The following KIAA0586 variants were observed in gnomAD, a reference collection of about 807,000 sequenced individuals.
KIAA0586 encodes protein TALPID3.
Under a neutral mutation model 169.8 loss-of-function variants are expected in KIAA0586, and 144 were observed. That is an observed-to-expected ratio of 0.85 (90% CI 0.74 to 0.97). The LOEUF (loss-of-function observed/expected upper bound fraction) is 0.97. KIAA0586 is among the 50% of genes least tolerant of loss of function. KIAA0586 has a pLI of 0.00. For synonymous variants in KIAA0586, 625 were observed against 612.4 expected, an observed-to-expected ratio of 1.02 and a Z score of -0.30; for missense variants, 1,854 against 1,823.0, an observed-to-expected ratio of 1.02 and a Z score of -0.31.
chr14:58,453,497 A>C, intron 9 of KIAA0586, 24 bp downstream of exon 9: 1 of 1,457,230 alleles, frequency 6.9e-7, no homozygotes, highest in Admixed American at 3.1e-5. Flanking sequence ...ATTGGAATGA[A>C]AACTAGATTG....
rs2039981586 is a variant in KIAA0586, at chr14:58,457,658, A to G, written c.1363-101A>G. The stretch of plus-strand genomic sequence containing the variant: ...GTTTGACAAATTGAGTCCTTAGAAT[A>G]TATTGGTATAATGTATGGCCTCAAC... On this transcript the variant is annotated intron_variant, in intron 10 of 30. Coordinates refer to ENST00000652326, the MANE Select transcript of KIAA0586 (RefSeq NM_001329943.3). The G allele has an allele frequency of 1.6e-5, 11 of 691,566 alleles. No homozygotes were observed. The South Asian group carries it at 2.1e-4, about 13-fold the overall frequency. The allele number at this position is 691,566 out of a possible 1,614,324, so 42.8% of individuals were successfully genotyped here. A position where few individuals can be genotyped will look rare whatever the true frequency, so the allele number is the denominator to read the frequency against.
intron 29 of KIAA0586, among the ~76,000 whole-genome samples, chr14:58,534,607 A>G (rs1397732219): frequency 6.6e-6 from 1 of 152,138 alleles, no homozygotes; most frequent in Non-Finnish European, 1.5e-5. Flanking sequence ...CAACAACAAA[A>G]TCTCACCTTC....
intron 29 of KIAA0586, among the ~76,000 whole-genome samples, chr14:58,528,438 G>T (rs1419582016): frequency 6.6e-6 from 1 of 152,090 alleles, no homozygotes; most frequent in African/African-American, 2.4e-5. Context: ...TTCTAAAATT[G>T]ACCATATAAT....
intron 20 of KIAA0586, 69 bp from the exon 21 acceptor site, chr14:58,482,444 A>AATC (rs2042100385): frequency 3.6e-6 from 4 of 1,110,020 alleles, no homozygotes; most frequent in Non-Finnish European, 2.4e-6. Context: ...TAATAATAAT[A>AATC]ATAATGAAAG....
upstream of KIAA0586, chr14:58,427,553 C>T: frequency 6.6e-7 from 1 of 1,514,366 alleles, no homozygotes; most frequent in Non-Finnish European, 8.9e-7. Context: ...ATAAATAAAC[C>T]CCTGTTATGT....
chr14:58,441,408 C>A, intron 4 of KIAA0586: 1 of 323,586 alleles, frequency 3.1e-6, no homozygotes, highest in Non-Finnish European at 6.6e-6. Context: ...GCCATGTTGC[C>A]CAGGCTGGTC....
rs369739408 is a variant in KIAA0586, at chr14:58,477,090, T to C, written c.2826-33T>C. ...TTTACATTTCAATCAAATTGAGGAA[T>C]CTTAACTTTTATCTGCCCCACCATC... On this transcript the variant is annotated intron_variant, in intron 19 of 30. Coordinates refer to ENST00000652326, the MANE Select transcript of KIAA0586 (RefSeq NM_001329943.3). 67 of 1,174,774 alleles carry C rather than the reference T, an allele frequency of 5.7e-5. No homozygotes were observed. The African/African-American group carries it at 7.8e-4, about 14-fold the overall frequency. 72.8% of individuals were successfully genotyped at this position (1,174,774 alleles called of 1,614,324 possible).
intron 29 of KIAA0586, among the ~76,000 whole-genome samples, chr14:58,520,198 G>T (rs1013237755): frequency 2.0e-5 from 3 of 152,110 alleles, no homozygotes; most frequent in Admixed American, 2.0e-4. Context: ...TTTAAATTGA[G>T]ATATAATTCA....
intron 6 of KIAA0586, among the ~76,000 whole-genome samples, chr14:58,447,811 A>T (rs951073133): frequency 2.0e-5 from 3 of 152,192 alleles, no homozygotes; most frequent in Non-Finnish European, 4.4e-5. Context: ...AATAGTGCTG[A>T]AAACTATGTT....
At position 58,520,040 on chromosome 14, in the gene KIAA0586, A is replaced by T. The variant is rs187700534; in HGVS notation, c.4429+7413A>T. ...TAACATACATTTTTATTATTTGAGGACAAAATAGTTGAACAGAGGGTAGGG... is the reference window on the plus strand; with the variant it reads ...TAACATACATTTTTATTATTTGAGGTCAAAATAGTTGAACAGAGGGTAGGG... On this transcript the variant is annotated intron_variant, in intron 29 of 30. Coordinates refer to ENST00000652326, the MANE Select transcript of KIAA0586 (RefSeq NM_001329943.3). Among the ~76,000 whole-genome samples the T allele has an allele frequency of 4.7e-4, 71 of 152,246 alleles. 1 individual carries two copies. In the East Asian group the frequency reaches 0.01, roughly 22 times the overall value.
chr14:58,492,406 C>G (rs2042894146), intron 26 of KIAA0586, 131 bp downstream of exon 26: 1 of 662,686 alleles, frequency 1.5e-6, no homozygotes, highest in African/African-American at 1.8e-5. Context: ...GCAACTTTAA[C>G]TTGGAATCAT....
chr14:58,495,065 A>G (rs1362835363), intron 26 of KIAA0586, among the ~76,000 whole-genome samples: 2 of 151,734 alleles, frequency 1.3e-5, no homozygotes, highest in East Asian at 3.9e-4. Context: ...GCTTTTCACA[A>G]CTTTTACTTT....
chr14:58,439,423 G>A (rs1432450558), intron 4 of KIAA0586, among the ~76,000 whole-genome samples: 1 of 151,982 alleles, frequency 6.6e-6, no homozygotes, highest in East Asian at 1.9e-4. Flanking sequence ...TCCTGACCTC[G>A]TGATCCGCCC....
At chr14:58,522,477 G>A (rs927537413) in intron 29 of KIAA0586, among the ~76,000 whole-genome samples, 6 of 152,160 alleles carry the variant, frequency 3.9e-5, no homozygotes, top group Non-Finnish European at 7.3e-5. Context: ...ATGCAACAAC[G>A]TAGTTTTGTG....
chr14:58,527,315 G>A (rs1387691885), intron 29 of KIAA0586, among the ~76,000 whole-genome samples: 1 of 152,100 alleles, frequency 6.6e-6, no homozygotes, highest in African/African-American at 2.4e-5. Context: ...CCCCAACCTA[G>A]CAAGACAGGC....
intron 20 of KIAA0586, among the ~76,000 whole-genome samples, chr14:58,480,687 G>T (rs1383194425): frequency 1.3e-5 from 2 of 151,988 alleles, no homozygotes; most frequent in Non-Finnish European, 2.9e-5. Context: ...TCTTTGCTTT[G>T]CTCTTCTTCA....
At chr14:58,519,856 C>G (rs1024415990) in intron 29 of KIAA0586, among the ~76,000 whole-genome samples, 1 of 151,976 alleles carries the variant, frequency 6.6e-6, no homozygotes, top group Non-Finnish European at 1.5e-5. Flanking sequence ...AGTAATAAGA[C>G]GGAAGAAGGA....
intron 24 of KIAA0586, 32 bp downstream of exon 24, chr14:58,488,906 G>A (rs1211942771): frequency 6.3e-7 from 1 of 1,599,406 alleles, no homozygotes; most frequent in Non-Finnish European, 8.5e-7. Context: ...GATTTTACTT[G>A]TTAGATTATG....
intron 29 of KIAA0586, among the ~76,000 whole-genome samples, chr14:58,527,564 A>G (rs2045677570): frequency 1.3e-5 from 2 of 152,208 alleles, no homozygotes; most frequent in Admixed American, 1.3e-4. Flanking sequence ...GCAGTCTTAA[A>G]TAAAAGAATT....
Sources: gnomAD v4.1 joint callset for allele counts (sites outside exome capture counted in the v4.1 genomes callset) on GRCh38, gnomAD v4.1.1 for gene constraint, MANE v1.5 for transcripts, NCBI Gene and HGNC (gene_info 2026-07-23, HGNC 2026-07-21) for gene names.